The following MBNL1 variants were observed in gnomAD, a reference collection of about 807,000 sequenced individuals.
MBNL1 encodes muscleblind-like protein 1.
In MBNL1, 8 loss-of-function variants were observed where a neutral mutation model predicts 42.2. The ratio of observed to expected loss-of-function variants is 0.19; its 90% CI spans 0.11 to 0.34. The LOEUF (loss-of-function observed/expected upper bound fraction) is 0.34, where lower values mean the gene tolerates loss of function less well. Ranked by LOEUF, MBNL1 falls within the 10% of genes least tolerant of loss-of-function variation. The pLI is 1.00. For missense variants in MBNL1, 309 were observed against 495.3 expected (o/e 0.62, Z 3.57); for synonymous variants, 169 against 173.9 (o/e 0.97, Z 0.22).
chr3:152,450,371 A>G (rs916276687), intron 6 of MBNL1, among the ~76,000 whole-genome samples: 6 of 152,272 alleles, frequency 3.9e-5, no homozygotes, highest in South Asian at 2.1e-4. Context: ...ACGCTGTGGC[A>G]TGAAAAGGTT....
chr3:152,311,960 G>A (rs1449313219), intron 2 of MBNL1, among the ~76,000 whole-genome samples: 1 of 151,892 alleles, frequency 6.6e-6, no homozygotes, highest in Non-Finnish European at 1.5e-5. Flanking sequence ...GGAGGCCGAG[G>A]CGGGCGGATC....
intron 2 of MBNL1, among the ~76,000 whole-genome samples, chr3:152,359,938 C>A (rs2095817485): frequency 6.6e-6 from 1 of 152,190 alleles, no homozygotes; most frequent in African/African-American, 2.4e-5. Context: ...AAGCTATTTA[C>A]AAGTGAGATT....
intron 2 of MBNL1, among the ~76,000 whole-genome samples, chr3:152,400,857 C>A (rs1489137063): frequency 3.3e-5 from 5 of 152,012 alleles, no homozygotes; most frequent in Admixed American, 1.3e-4. Context: ...AAGTCACTGG[C>A]AAAAACAGAG....
intron 1 of MBNL1, among the ~76,000 whole-genome samples, chr3:152,290,518 A>G (rs756084775): frequency 2.6e-5 from 4 of 152,108 alleles, no homozygotes; most frequent in Non-Finnish European, 4.4e-5. Flanking sequence ...GGTGCTGTGG[A>G]AATATTTTCT....
At chr3:152,250,394 G>A (rs1364991126) in intron 2 of MBNL1, among the ~76,000 whole-genome samples, 1 of 150,992 alleles carries the variant, frequency 6.6e-6, no homozygotes, top group Non-Finnish European at 1.5e-5. Flanking sequence ...GTGAATGGGA[G>A]TTCACTCATG....
chr3:152,318,042 G>A (rs1560119489), intron 2 of MBNL1, among the ~76,000 whole-genome samples: 1 of 152,154 alleles, frequency 6.6e-6, no homozygotes, highest in Admixed American at 6.5e-5. Context: ...GCATAAATTG[G>A]GTGTGTTGTT....
chr3:152,261,347 G>A (rs942851554), intron 2 of MBNL1, among the ~76,000 whole-genome samples: 1 of 152,090 alleles, frequency 6.6e-6, no homozygotes, highest in Admixed American at 6.6e-5. Flanking sequence ...TGACCTTAGA[G>A]TCCTTAACAC....
intron 2 of MBNL1, among the ~76,000 whole-genome samples, chr3:152,310,719 A>G (rs1031101940): frequency 2.0e-5 from 3 of 152,156 alleles, no homozygotes; most frequent in African/African-American, 7.2e-5. Flanking sequence ...AATTTTAACT[A>G]ATATTCTAAC....
In MBNL1 at chr3:152,433,802, G is replaced by A. The variant is rs376563270; in HGVS notation, c.549+882G>A. Among the ~76,000 whole-genome samples, 255 of 151,586 alleles carry A rather than the reference G, an allele frequency of 1.7e-3. 9 individuals are homozygous for A. In the South Asian group the frequency reaches 0.052, roughly 31 times the overall value. On this transcript the variant is annotated intron_variant, in intron 4 of 9. Transcript: ENST00000324210. ...ATAATCCTCTAAGTTCTAGAGTAAA[G>A]GATGATCAGATGTGTGGGCTCTGCT...
Position 152,300,133 on chromosome 3 carries a change from T to G in MBNL1, c.-61T>G. ...CTTTTTTTTTTTGGTTGTTGCTCTT[T>G]TTTGGGGGGGTTGGGTTTGTTGGTT... On this transcript the variant is annotated 5_prime_UTR_variant, in exon 2 of 10. Transcript: ENST00000324210. 1.7e-6 allele frequency: 2 copies of G among 1,175,912 alleles called. No individual in the cohort carries two copies. Among genetic ancestry groups the G allele is most frequent in the Non-Finnish European group, 2.4e-6 (2 of 843,604 alleles). 72.8% of individuals were successfully genotyped at this position (1,175,912 alleles called of 1,614,324 possible). A position where few individuals can be genotyped will look rare whatever the true frequency, so the allele number is the denominator to read the frequency against.
At chr3:152,416,133 C>G (rs950282877) in intron 3 of MBNL1, among the ~76,000 whole-genome samples, 32 of 152,062 alleles carry the variant, frequency 2.1e-4, no homozygotes, top group Admixed American at 6.6e-5. Context: ...ATTCTAAAAC[C>G]TGAACTCAAT....
chr3:152,331,164 TCACA>T (rs2084201743), intron 2 of MBNL1, among the ~76,000 whole-genome samples: 1 of 151,524 alleles, frequency 6.6e-6, no homozygotes, highest in East Asian at 1.9e-4. Context: ...CTTTTCATAC[TCACA>T]CAGACACTCC....
At chr3:152,244,502 A>C (rs767991809) in intron 2 of MBNL1, 3 of 152,220 alleles carry the variant, frequency 2.0e-5, no homozygotes, top group Non-Finnish European at 4.4e-5. Context: ...TATAGCAACA[A>C]TTTAAATGCT....
At chr3:152,436,298 A>G (rs1291854520) in intron 4 of MBNL1, among the ~76,000 whole-genome samples, 1 of 152,220 alleles carries the variant, frequency 6.6e-6, no homozygotes, top group Admixed American at 6.5e-5. Flanking sequence ...AGATACTATT[A>G]TTAATTCTCT....
In MBNL1 at chr3:152,414,966, A is replaced by G. The variant is rs750334056; in HGVS notation, c.200A>G (p.Lys67Arg). The G allele has an allele frequency of 1.6e-5, 25 of 1,609,516 alleles. No homozygotes were observed. Among genetic ancestry groups the G allele is most frequent in the Non-Finnish European group, 1.8e-5 (21 of 1,178,610 alleles). The change falls in exon 3 of 10, where the codon AAA (lysine) becomes AGA (arginine). Residue 67 changes from lysine (K) to arginine (R), a missense_variant. Physicochemically the swap from Lys to Arg is conservative, Grantham distance 26 (BLOSUM62 2). Coordinates refer to ENST00000324210, the MANE Select transcript of MBNL1 (RefSeq NM_021038.5). ...LKGRCSRENC[K>R]YLHPPPHLKT... is the part of the protein sequence containing the mutation. ...GGCCGTTGCTCCAGGGAGAACTGCAAATATCTTCATCCACCCCCACATTTA... is the reference window on the plus strand; with the variant it reads ...GGCCGTTGCTCCAGGGAGAACTGCAGATATCTTCATCCACCCCCACATTTA...
chr3:152,304,880 C>T, intron 2 of MBNL1, among the ~76,000 whole-genome samples: 1 of 151,988 alleles, frequency 6.6e-6, no homozygotes. Flanking sequence ...TTTTAGAAAA[C>T]TTTTTTTTAT....
At chr3:152,357,112 C>T (rs1013306049) in intron 2 of MBNL1, among the ~76,000 whole-genome samples, 1 of 152,080 alleles carries the variant, frequency 6.6e-6, no homozygotes, top group African/African-American at 2.4e-5. Context: ...CATGCCTGGC[C>T]CATCTCTCCA....
At chr3:152,391,323 C>A (rs1002202725) in intron 2 of MBNL1, among the ~76,000 whole-genome samples, 1 of 152,188 alleles carries the variant, frequency 6.6e-6, no homozygotes, top group Non-Finnish European at 1.5e-5. Flanking sequence ...AATAATGATT[C>A]TAAGTTTGAA....
At chr3:152,437,807 A>T (rs910852809) in intron 4 of MBNL1, among the ~76,000 whole-genome samples, 3 of 147,760 alleles carry the variant, frequency 2.0e-5, no homozygotes, top group Non-Finnish European at 4.4e-5. Flanking sequence ...TAAGTCTCAC[A>T]CTGTTGCCCA....
Sources: allele counts gnomAD v4.1 joint callset (sites outside exome capture counted in the v4.1 genomes callset), GRCh38; gene constraint gnomAD v4.1.1; transcripts MANE v1.5; gene names NCBI Gene and HGNC (gene_info 2026-07-23, HGNC 2026-07-21).